The following CMTM1 variants were observed in gnomAD, a reference collection of about 807,000 sequenced individuals.
CMTM1 encodes CKLF like MARVEL transmembrane domain containing 1, also known as CKLF-like MARVEL transmembrane domain-containing protein 1.
A neutral mutation model predicts 17.8 loss-of-function variants in CMTM1; 16 were observed. The ratio of observed to expected loss-of-function variants is 0.90; its 90% CI spans 0.61 to 1.37. CMTM1 has a LOEUF of 1.37. Among genes scored for constraint, CMTM1 ranks in the 40% most tolerant of loss-of-function variants. CMTM1 has a pLI of 0.00. For synonymous variants in CMTM1, 169 were observed against 154.6 expected, an observed-to-expected ratio of 1.09 and a Z score of -0.69; for missense variants, 354 against 375.6, an observed-to-expected ratio of 0.94 and a Z score of 0.47.
intron 1 of CMTM1, 82 bp from the exon 2 acceptor site, chr16:66,569,854 G>A (rs2013220466): frequency 9.6e-7 from 1 of 1,044,372 alleles, no homozygotes; most frequent in Non-Finnish European, 1.4e-6. Context: ...CCACTGTACT[G>A]TGATATAATC....
chr16:66,577,629 AAAGG>A (rs918028415), intron 3 of CMTM1, among the ~76,000 whole-genome samples: 3 of 152,088 alleles, frequency 2.0e-5, no homozygotes, highest in Non-Finnish European at 4.4e-5. Flanking sequence ...AAGAAGGAAG[AAAGG>A]AAGGAAGGAA....
At chr16:66,569,631 T>C (rs985257885) in intron 1 of CMTM1, among the ~76,000 whole-genome samples, 1 of 152,252 alleles carries the variant, frequency 6.6e-6, no homozygotes, top group Non-Finnish European at 1.5e-5. Context: ...ATATGTACTT[T>C]ACCAGTATAT....
In CMTM1 at chr16:66,578,872, G is replaced by T; in HGVS notation, c.732G>T (p.Ala244=). 1 of 1,614,168 alleles carries T rather than the reference G, an allele frequency of 6.2e-7. No individual in the cohort carries two copies. The highest frequency in any genetic ancestry group is 8.5e-7 in the Non-Finnish European group (1 of 1,180,024). Reference sequence around the variant, plus strand: ...CGGTAATCGTGTGTTGCATCGATGCGTTTGTGGTCACCACGAAGATGAGGA... The same window carrying T: ...CGGTAATCGTGTGTTGCATCGATGCTTTTGTGGTCACCACGAAGATGAGGA... ...LTAVIVCCID[A]FVVTTKMRTN... Residue 244 remains alanine (A), a synonymous_variant, in exon 4 of 4, where the codon GCG becomes GCT. Transcript: ENST00000379500.
chr16:66,570,132 T>G, intron 2 of CMTM1, 38 bp downstream of exon 2: 2 of 1,537,396 alleles, frequency 1.3e-6, no homozygotes, highest in South Asian at 1.2e-5. Flanking sequence ...AATCCAAGCT[T>G]TGCCCTCAGC....
Position 66,566,788 on chromosome 16 carries a change from C to T in CMTM1, c.275C>T (p.Pro92Leu). The change falls in exon 1 of 4, where the codon CCA becomes CTA. Residue 92 changes from proline to leucine, a missense_variant. Transcript: ENST00000379500. The surrounding 1 kb of genome is among the most constrained non-coding windows in gnomAD (Gnocchi z 4.9). ...CGCCCACCCCCAAAGCCCACACTCC[C>T]ACCCCCCACGCCCTCTGCACACACT... ...TTRPPPKPTL[P>L]PPTPSAHTES... 1.2e-6 allele frequency: 2 copies of T among 1,613,296 alleles called. No homozygotes were observed. Among genetic ancestry groups the T allele is most frequent in the African/African-American group, 2.7e-5 (2 of 75,008 alleles).
chr16:66,577,743 G>A (rs1312754934), intron 3 of CMTM1, among the ~76,000 whole-genome samples: 1 of 152,216 alleles, frequency 6.6e-6, no homozygotes, highest in African/African-American at 2.4e-5. Context: ...TAGGAACTGA[G>A]GTTAAATACC....
chr16:66,569,805 G>T, intron 1 of CMTM1, 131 bp from the exon 2 acceptor site: 1 of 596,928 alleles, frequency 1.7e-6, no homozygotes, highest in Non-Finnish European at 2.8e-6. Context: ...TCTTCAAAAT[G>T]TAAGAAATGT....
chr16:66,574,766 A>T (rs367594569), intron 2 of CMTM1, among the ~76,000 whole-genome samples: 2 of 152,250 alleles, frequency 1.3e-5, no homozygotes. Flanking sequence ...CTTGTAATCT[A>T]AGACCACAGC....
chr16:66,570,176 C>T lies in CMTM1; in HGVS notation c.591+82C>T, dbSNP rs1030322266. On this transcript the variant is annotated intron_variant, in intron 2 of 3. Coordinates refer to ENST00000379500, the MANE Select transcript of CMTM1 (RefSeq NM_052999.4). ...AAGGGCTCTCCTTAAGTGAAAACAACGGAGCTATCTCTCTAGACAAGGACA... is the reference window on the plus strand; with the variant it reads ...AAGGGCTCTCCTTAAGTGAAAACAATGGAGCTATCTCTCTAGACAAGGACA... The T allele has an allele frequency of 1.8e-5, 20 of 1,095,454 alleles. No homozygotes were observed. In the Admixed American group the frequency reaches 2.6e-4, roughly 14 times the overall value. 67.9% of individuals were successfully genotyped at this position (1,095,454 alleles called of 1,614,324 possible). A position where few individuals can be genotyped will look rare whatever the true frequency, so the allele number is the denominator to read the frequency against.
intron 2 of CMTM1, among the ~76,000 whole-genome samples, chr16:66,572,708 C>T (rs1156269496): frequency 1.3e-5 from 2 of 152,108 alleles, no homozygotes; most frequent in African/African-American, 4.8e-5. Context: ...TCCTTTCAGC[C>T]CTTCCCTCCA....
At chr16:66,575,785 T>A (rs1214196647) in intron 2 of CMTM1, among the ~76,000 whole-genome samples, 2 of 152,232 alleles carry the variant, frequency 1.3e-5, no homozygotes, top group Non-Finnish European at 2.9e-5. Context: ...TGTGATTCCA[T>A]GATACCATAC....
At chr16:66,578,361 C>T (rs1385122635) in intron 3 of CMTM1, among the ~76,000 whole-genome samples, 3 of 152,222 alleles carry the variant, frequency 2.0e-5, no homozygotes, top group Non-Finnish European at 2.9e-5. Flanking sequence ...TGCACCTCTC[C>T]AGCCTCAACT....
At position 66,578,870 on chromosome 16, in the gene CMTM1, G is replaced by GCGTT. The variant is rs765161750; in HGVS notation, c.731_734dup (p.Val247CysfsTer19). ...AGCGGTAATCGTGTGTTGCATCGAT[G>GCGTT]CGTTTGTGGTCACCACGAAGATGAG... On this transcript the variant is annotated frameshift_variant, in exon 4 of 4. Coordinates refer to ENST00000379500, the MANE Select transcript of CMTM1 (RefSeq NM_052999.4). LOFTEE classifies it low-confidence loss of function (END_TRUNC). The GCGTT allele has an allele frequency of 6.2e-7, 1 of 1,614,176 alleles. No individual in the cohort carries two copies. Among genetic ancestry groups the GCGTT allele is most frequent in the South Asian group, 1.1e-5 (1 of 91,088 alleles).
At position 66,566,698 on chromosome 16, in the gene CMTM1, A is replaced by T; in HGVS notation, c.185A>T (p.Gln62Leu). 1.9e-6 allele frequency: 3 copies of T among 1,614,026 alleles called. No homozygotes were observed. Among genetic ancestry groups the T allele is most frequent in the Non-Finnish European group, 2.5e-6 (3 of 1,179,986 alleles). ...CCCGCAGTCTCAATTCGCAGTGCGC[A>T]GTCCGCAGCCGCCGCACGTCCCCAA... ...KHPAVSIRSA[Q>L]SAAAARPQGS... The change falls in exon 1 of 4, where the codon CAG (glutamine) becomes CTG (leucine). Residue 62 changes from glutamine (Q) to leucine (L), a missense_variant. Physicochemically the swap from Gln to Leu is moderately radical, Grantham distance 113. Coordinates refer to ENST00000379500, the MANE Select transcript of CMTM1 (RefSeq NM_052999.4). The surrounding 1 kb of genome is among the most constrained non-coding windows in gnomAD (Gnocchi z 4.9).
intron 1 of CMTM1, among the ~76,000 whole-genome samples, chr16:66,567,805 A>G (rs576515130): frequency 6.6e-6 from 1 of 152,234 alleles, no homozygotes; most frequent in African/African-American, 2.4e-5. Context: ...AACTGAAAGG[A>G]TCTACAGGAG....
intron 1 of CMTM1, among the ~76,000 whole-genome samples, chr16:66,568,042 T>C (rs1188106409): frequency 2.0e-5 from 3 of 152,214 alleles, no homozygotes; most frequent in Non-Finnish European, 4.4e-5. Context: ...CTGACACTAC[T>C]CTAACTTTGT....
intron 2 of CMTM1, among the ~76,000 whole-genome samples, chr16:66,573,683 C>CTTTTTTTTTT (rs954623005): frequency 5.9e-5 from 7 of 117,648 alleles, no homozygotes; most frequent in Non-Finnish European, 7.1e-5. Flanking sequence ...TAACGTTTTT[C>CTTTTTTTTTT]TTTTTTTTTT....
chr16:66,566,474 C>T lies in CMTM1; in HGVS notation c.-40C>T, dbSNP rs375996235. Reference sequence around the variant, plus strand: ...TTCCCAGGGGAGAGCCAGCCGCTGCCGCGGCACTGGTTCAGACGGCCAGGC... The same window carrying T: ...TTCCCAGGGGAGAGCCAGCCGCTGCTGCGGCACTGGTTCAGACGGCCAGGC... On this transcript the variant is annotated 5_prime_UTR_variant, in exon 1 of 4. Coordinates refer to ENST00000379500, the MANE Select transcript of CMTM1 (RefSeq NM_052999.4). This position sits in a 1 kb window ranked among gnomAD's most constrained non-coding sequence, Gnocchi z 4.9. 1,010 of 1,527,640 alleles carry T rather than the reference C, an allele frequency of 6.6e-4. 1 individual carries two copies. The highest frequency in any genetic ancestry group is 7.9e-4 in the Non-Finnish European group (901 of 1,140,492). The allele number at this position is 1,527,640 out of a possible 1,614,324, so 94.6% of individuals were successfully genotyped here. A position where few individuals can be genotyped will look rare whatever the true frequency, so the allele number is the denominator to read the frequency against.
chr16:66,572,622 G>C (rs1472191822), intron 2 of CMTM1, among the ~76,000 whole-genome samples: 1 of 152,084 alleles, frequency 6.6e-6, no homozygotes, highest in Non-Finnish European at 1.5e-5. Flanking sequence ...TTTCATACTA[G>C]AACTGTTTGA....
Sources: allele counts gnomAD v4.1 joint callset (sites outside exome capture counted in the v4.1 genomes callset), GRCh38; gene constraint gnomAD v4.1.1; non-coding constraint Gnocchi (gnomAD v3.1); transcripts MANE v1.5; gene names NCBI Gene and HGNC (gene_info 2026-07-23, HGNC 2026-07-21).